The following SLC26A4 variants were observed in gnomAD, a reference collection of about 807,000 sequenced individuals.
SLC26A4 encodes the protein pendrin.
A neutral mutation model predicts 90.4 loss-of-function variants in SLC26A4; 93 were observed. That is an observed-to-expected ratio of 1.03 (90% CI 0.87 to 1.22). The LOEUF is 1.22. Ranked by LOEUF, SLC26A4 falls within the 50% of genes most tolerant of loss-of-function variation. The pLI is 0.00. For synonymous variants in SLC26A4, 393 were observed against 354.6 expected (o/e 1.11, Z -1.22); for missense variants, 1,127 against 946.2 (o/e 1.19, Z -2.51).
At chr7:107,701,369 G>A (rs546783693) in intron 16 of SLC26A4, among the ~76,000 whole-genome samples, 173 bp downstream of exon 16, 39 of 152,280 alleles carry the variant, frequency 2.6e-4, no homozygotes, top group Admixed American at 6.5e-4. Flanking sequence ...GAGTGGAAGG[G>A]AATGAAATAA....
At chr7:107,695,308 G>C (rs1791708815) in intron 12 of SLC26A4, among the ~76,000 whole-genome samples, 1 of 152,138 alleles carries the variant, frequency 6.6e-6, no homozygotes, top group South Asian at 2.1e-4. Context: ...TACAAGGAGG[G>C]AGGGAAGTTG....
chr7:107,667,581 G>C (rs546790792), intron 3 of SLC26A4, among the ~76,000 whole-genome samples: 1 of 151,906 alleles, frequency 6.6e-6, no homozygotes, highest in African/African-American at 2.4e-5. Context: ...GAATCAGAGG[G>C]AGATAAGAGA....
In SLC26A4 at chr7:107,715,515, C is replaced by A. The variant is rs76894072; in HGVS notation, c.*69C>A. 5.8e-4 allele frequency: 651 copies of A among 1,120,240 alleles called. 5 individuals are homozygous for A. The East Asian group carries it at 0.012, about 20-fold the overall frequency. The allele number at this position is 1,120,240 out of a possible 1,614,324, so 69.4% of individuals were successfully genotyped here. A position where few individuals can be genotyped will look rare whatever the true frequency, so the allele number is the denominator to read the frequency against. On this transcript the variant is annotated 3_prime_UTR_variant, in exon 21 of 21. Coordinates refer to ENST00000644269, the MANE Select transcript of SLC26A4 (RefSeq NM_000441.2). Reference sequence around the variant, plus strand: ...AACTTCCTCAATGCATTGACTATTTCTTCAGACTCAAAACACTCATTCTTT... The same window carrying A: ...AACTTCCTCAATGCATTGACTATTTATTCAGACTCAAAACACTCATTCTTT...
At position 107,708,682 on chromosome 7, in the gene SLC26A4, C is replaced by T. The variant is rs1398675298; in HGVS notation, c.2090-1372C>T. ...CAGCCTGAGCAACATGGTGAGACCC[C>T]GTCTCTATTATTTTTTTTTTAAAAA... On this transcript the variant is annotated intron_variant, in intron 18 of 20. Transcript: ENST00000644269. 2.0e-5 allele frequency among the ~76,000 whole-genome samples: 3 copies of T among 151,932 alleles called. No individual in the cohort carries two copies. In the East Asian group the frequency reaches 5.8e-4, roughly 29 times the overall value.
intron 13 of SLC26A4, among the ~76,000 whole-genome samples, chr7:107,696,600 C>T (rs1272458699): frequency 6.6e-6 from 1 of 152,190 alleles, no homozygotes; most frequent in African/African-American, 2.4e-5. Flanking sequence ...TCATTCAAAT[C>T]TCTCATATAA....
chr7:107,670,385 G>A (rs1216977827), intron 3 of SLC26A4, among the ~76,000 whole-genome samples: 1 of 152,036 alleles, frequency 6.6e-6, no homozygotes, highest in East Asian at 1.9e-4. Flanking sequence ...GGGATTACAG[G>A]TGTGACTCAC....
chr7:107,681,896 C>A (rs948791008), intron 6 of SLC26A4, among the ~76,000 whole-genome samples: 1 of 151,664 alleles, frequency 6.6e-6, no homozygotes, highest in East Asian at 1.9e-4. Context: ...CCAGTCTGGG[C>A]AACAAAGTGA....
chr7:107,696,374 T>G (rs936266941), intron 13 of SLC26A4, among the ~76,000 whole-genome samples: 1 of 152,216 alleles, frequency 6.6e-6, no homozygotes, highest in Admixed American at 6.5e-5. Context: ...CTCCTTTTAG[T>G]TGTGGTAAGA....
At chr7:107,681,012 G>A (rs759969102) in intron 6 of SLC26A4, among the ~76,000 whole-genome samples, 2 of 152,144 alleles carry the variant, frequency 1.3e-5, no homozygotes, top group African/African-American at 4.8e-5. Flanking sequence ...GATAGGTAGG[G>A]CTGTTTGCTC....
At position 107,672,251 on chromosome 7, in the gene SLC26A4, A is replaced by G; in HGVS notation, c.415+3A>G. 6.5e-7 allele frequency: 1 copy of G among 1,530,950 alleles called. No homozygotes were observed. The highest frequency in any genetic ancestry group is 9.1e-7 in the Non-Finnish European group (1 of 1,104,692). 94.8% of individuals were successfully genotyped at this position (1,530,950 alleles called of 1,614,324 possible). ...AACATCAAGACATATCTCAGTTGGT[A>G]ATTATAAGTATATTTTACAATTATA... On this transcript the variant is annotated splice_donor_region_variant and intron_variant, in intron 4 of 20. Transcript: ENST00000644269.
At chr7:107,680,344 G>C (rs71540986) in intron 6 of SLC26A4, among the ~76,000 whole-genome samples, 3 of 126,636 alleles carry the variant, frequency 2.4e-5, no homozygotes, top group South Asian at 2.4e-4. Context: ...ATTATATAAT[G>C]TTATATTATT....
intron 4 of SLC26A4, among the ~76,000 whole-genome samples, chr7:107,673,710 G>A (rs575468399): frequency 1.3e-5 from 2 of 152,012 alleles, no homozygotes; most frequent in South Asian, 2.1e-4. Context: ...TGAATGCCTC[G>A]AGATATCTGC....
intron 9 of SLC26A4, 109 bp from the exon 10 acceptor site, chr7:107,690,015 G>A (rs561236796): frequency 1.0e-5 from 8 of 785,122 alleles, no homozygotes; most frequent in East Asian, 4.9e-5. Context: ...GGACCACCAC[G>A]CAGAGTAGGC....
intron 8 of SLC26A4, among the ~76,000 whole-genome samples, chr7:107,688,300 G>C (rs557990527): frequency 6.6e-5 from 10 of 152,230 alleles, no homozygotes; most frequent in African/African-American, 1.9e-4. Flanking sequence ...GATGTAGGTC[G>C]GGGAGACCTT....
In SLC26A4 at chr7:107,683,539, T is replaced by A. The variant is rs2129314581; in HGVS notation, c.1001+2T>A. On this transcript the variant is annotated splice_donor_variant, in intron 8 of 20. Transcript: ENST00000644269. LOFTEE classifies it high-confidence loss of function. ...CATTGTTAAATCCATCCCAAGGGGG[T>A]GAGTGTGGTGTTCCTCTTAGTACTA... 6.2e-7 allele frequency: 1 copy of A among 1,612,480 alleles called. No individual in the cohort carries two copies. Among genetic ancestry groups the A allele is most frequent in the Non-Finnish European group, 8.5e-7 (1 of 1,178,778 alleles).
rs543905042 is a variant in SLC26A4, at chr7:107,715,066, T to TAAAAAAAAAAA, written c.2320-348_2320-338dup. Among the ~76,000 whole-genome samples the TAAAAAAAAAAA allele has an allele frequency of 1.1e-3, 109 of 98,660 alleles. 2 individuals carry two copies. Among genetic ancestry groups the TAAAAAAAAAAA allele is most frequent in the African/African-American group, 3.2e-3 (91 of 28,506 alleles). The allele number at this position is 98,660 out of a possible 152,430, so 64.7% of individuals were successfully genotyped here. A position where few individuals can be genotyped will look rare whatever the true frequency, so the allele number is the denominator to read the frequency against. The stretch of plus-strand genomic sequence containing the variant: ...ATGGTAACCCCCCGACCATCTCTAC[T>TAAAAAAAAAAA]AAAAAAAAAAAAAAAAAAATTAGCT... On this transcript the variant is annotated intron_variant, in intron 20 of 20. Coordinates refer to ENST00000644269, the MANE Select transcript of SLC26A4 (RefSeq NM_000441.2).
chr7:107,691,108 T>TACACACACACACACACAC (rs113420862), intron 10 of SLC26A4, among the ~76,000 whole-genome samples: 10 of 141,396 alleles, frequency 7.1e-5, no homozygotes, highest in African/African-American at 1.6e-4. Context: ...CATAGTGCAA[T>TACACACACACACACACAC]ACACACACAC....
rs1259651533 is a variant in SLC26A4, at chr7:107,700,175, A to G, written c.1707A>G (p.Thr569=). The G allele has an allele frequency of 4.1e-6, 6 of 1,477,298 alleles. No homozygotes were observed. Among genetic ancestry groups the G allele is most frequent in the East Asian group, 4.5e-5 (2 of 44,184 alleles). 91.5% of individuals were successfully genotyped at this position (1,477,298 alleles called of 1,614,324 possible). The change falls in exon 15 of 21, where the codon ACA becomes ACG. Residue 569 remains threonine (T), a splice_region_variant and synonymous_variant. Coordinates refer to ENST00000644269, the MANE Select transcript of SLC26A4 (RefSeq NM_000441.2). ...GTTTTAAAAAATGTATCAAGTCCAC[A>G]GTAAGTATTTTATCCCTAGAAATTT... ...VDGFKKCIKS[T]VGFDAIRVYN... is the part of the protein sequence containing the mutation.
intron 3 of SLC26A4, among the ~76,000 whole-genome samples, chr7:107,670,720 T>C (rs1417690542): frequency 6.6e-6 from 1 of 152,170 alleles, no homozygotes; most frequent in African/African-American, 2.4e-5. Context: ...CTACTATAAA[T>C]GTAATTCCTT....
Sources: allele counts gnomAD v4.1 joint callset (sites outside exome capture counted in the v4.1 genomes callset), GRCh38; gene constraint gnomAD v4.1.1; transcripts MANE v1.5; gene names NCBI Gene and HGNC (gene_info 2026-07-23, HGNC 2026-07-21).